Variants in CNIH3 observed in about 807,000 individuals in gnomAD.
The protein encoded by CNIH3 is cornichon family AMPA receptor auxiliary protein 3, also known as protein cornichon homolog 3.
CNIH3 carries 14 observed loss-of-function variants against 24.1 expected under a neutral mutation model. The ratio of observed to expected loss-of-function variants is 0.58; its 90% confidence interval spans 0.38 to 0.91. CNIH3 has a LOEUF of 0.91. CNIH3 is among the 40% of genes least tolerant of loss of function. The pLI is 0.00. For missense variants in CNIH3, 178 were observed against 196.8 expected (o/e 0.90, Z 0.57); for synonymous variants, 68 against 73.8 (o/e 0.92, Z 0.40).
downstream of CNIH3, among the ~76,000 whole-genome samples, chr1:224,537,840 C>G (rs1276589332): frequency 6.6e-6 from 1 of 152,110 alleles, no homozygotes; most frequent in Non-Finnish European, 1.5e-5. Context: ...TAGTGTGTGA[C>G]TATTTATTGT....
intron 4 of CNIH3, among the ~76,000 whole-genome samples, chr1:224,578,992 A>G (rs1033882964): frequency 6.6e-6 from 1 of 151,328 alleles, no homozygotes; most frequent in African/African-American, 2.4e-5. Context: ...TTTTTCATGT[A>G]GAGAGTAGAG....
intron 1 of CNIH3, among the ~76,000 whole-genome samples, chr1:224,494,952 G>A (rs958522692): frequency 6.6e-6 from 1 of 152,094 alleles, no homozygotes; most frequent in African/African-American, 2.4e-5. Flanking sequence ...CCCTATTCAG[G>A]GGCTGCGCCT....
intron 1 of CNIH3, among the ~76,000 whole-genome samples, chr1:224,493,467 C>T (rs1677316270): frequency 6.6e-6 from 1 of 152,054 alleles, no homozygotes; most frequent in African/African-American, 2.4e-5. Context: ...TAGTTTCAAC[C>T]TACCCCGAGG....
At chr1:224,601,653 A>G (rs1682215457) in intron 3 of CNIH3, among the ~76,000 whole-genome samples, 1 of 152,218 alleles carries the variant, frequency 6.6e-6, no homozygotes, top group Non-Finnish European at 1.5e-5. Flanking sequence ...GAGAGCCCTC[A>G]TGAAAGACTT....
chr1:224,477,657 A>G (rs1676643421), intron 1 of CNIH3, among the ~76,000 whole-genome samples: 3 of 152,248 alleles, frequency 2.0e-5, no homozygotes, highest in Admixed American at 6.5e-5. Flanking sequence ...TGATCAGTTC[A>G]TCTTTTCGTC....
intron 4 of CNIH3, among the ~76,000 whole-genome samples, chr1:224,582,368 T>C (rs1017414837): frequency 1.3e-5 from 2 of 152,170 alleles, no homozygotes; most frequent in Non-Finnish European, 2.9e-5. Flanking sequence ...TTTTCTTTTG[T>C]AGGGTTTGTC....
At chr1:224,565,880 G>A (rs1680560199) in intron 3 of CNIH3, 1 of 152,150 alleles carries the variant, frequency 6.6e-6, no homozygotes, top group African/African-American at 2.4e-5. Context: ...TGGGTGCTCA[G>A]TGGTTGAGCA....
intron 1 of CNIH3, among the ~76,000 whole-genome samples, chr1:224,674,298 T>TTTTTTTTTTTTC (rs1686024643): frequency 8.0e-6 from 1 of 124,262 alleles, no homozygotes; most frequent in African/African-American, 3.3e-5. Flanking sequence ...TTTTTTTTTT[T>TTTTTTTTTTTTC]TTTTTTTTTG....
chr1:224,500,694 A>G (rs911182253), intron 1 of CNIH3, among the ~76,000 whole-genome samples: 1 of 151,412 alleles, frequency 6.6e-6, no homozygotes, highest in Non-Finnish European at 1.5e-5. Context: ...AAAAAAAAGA[A>G]TGACTTTTCC....
intron 3 of CNIH3, among the ~76,000 whole-genome samples, chr1:224,695,149 C>G (rs1325029717): frequency 6.6e-6 from 1 of 152,056 alleles, no homozygotes; most frequent in Non-Finnish European, 1.5e-5. Context: ...TGTGGGTGGG[C>G]CTCACTCAAT....
chr1:224,502,523 G>A (rs988100467), intron 1 of CNIH3, among the ~76,000 whole-genome samples: 15 of 152,260 alleles, frequency 9.9e-5, no homozygotes, highest in African/African-American at 3.1e-4. Context: ...TGAGCAGAAC[G>A]AACAGCCTTC....
rs1682005813 is a variant in CNIH3, at chr1:224,596,944, G to A, written n.402+30680G>A. Among the ~76,000 whole-genome samples the A allele has an allele frequency of 7.2e-5, 11 of 152,238 alleles. No homozygotes were observed. In the South Asian group the frequency reaches 2.3e-3, roughly 32 times the overall value. ...AAGGCGGGTGGAACACCTGAGGTCA[G>A]GAGGTCGAGATCAGCCTGGCCAACG... On this transcript the variant is annotated intron_variant and non_coding_transcript_variant, in intron 3 of 7. Coordinates refer to the CNIH3 transcript ENST00000478120.
At chr1:224,506,106 C>T (rs753384494) in intron 1 of CNIH3, among the ~76,000 whole-genome samples, 3 of 152,018 alleles carry the variant, frequency 2.0e-5, no homozygotes, top group Admixed American at 1.3e-4. Flanking sequence ...TACGATCTTT[C>T]GAGAATGAAT....
At chr1:224,650,845 T>C (rs1337150407) in intron 1 of CNIH3, among the ~76,000 whole-genome samples, 1 of 152,180 alleles carries the variant, frequency 6.6e-6, no homozygotes. Flanking sequence ...TTGTTGCTGC[T>C]GGAATTCAGG....
chr1:224,561,003 G>A (rs1040920009), intron 3 of CNIH3, among the ~76,000 whole-genome samples: 4 of 152,094 alleles, frequency 2.6e-5, no homozygotes, highest in African/African-American at 7.2e-5. Flanking sequence ...ACCTATATAT[G>A]TTTACTGGCC....
intron 1 of CNIH3, among the ~76,000 whole-genome samples, chr1:224,486,430 C>T (rs956751319): frequency 6.6e-6 from 1 of 152,174 alleles, no homozygotes; most frequent in African/African-American, 2.4e-5. Context: ...TCCTTAAGTG[C>T]AGCCTGTAGC....
intron 1 of CNIH3, among the ~76,000 whole-genome samples, chr1:224,674,173 C>G (rs1686010653): frequency 6.6e-6 from 1 of 150,752 alleles, no homozygotes; most frequent in Admixed American, 6.6e-5. Flanking sequence ...CCAGAGAAAA[C>G]CAGCCTTTCC....
At chr1:224,479,292 T>G (rs539847862) in intron 1 of CNIH3, among the ~76,000 whole-genome samples, 54 of 152,106 alleles carry the variant, frequency 3.6e-4, no homozygotes, top group Non-Finnish European at 7.5e-4. Flanking sequence ...TAGCTGGGAT[T>G]AGAGGCATGC....
At chr1:224,555,371 G>T (rs1433550624) in intron 3 of CNIH3, among the ~76,000 whole-genome samples, 1 of 152,058 alleles carries the variant, frequency 6.6e-6, no homozygotes, top group African/African-American at 2.4e-5. Context: ...GGCTTTAATG[G>T]CCCTTCTTTC....
Sources: allele counts gnomAD v4.1 joint callset (sites outside exome capture counted in the v4.1 genomes callset), GRCh38; gene constraint gnomAD v4.1.1; transcripts MANE v1.5; gene names NCBI Gene and HGNC (gene_info 2026-07-23, HGNC 2026-07-21).